The following ABTB3 variants were observed in gnomAD, a reference collection of about 807,000 sequenced individuals.
ABTB3 encodes the protein ankyrin repeat- and BTB/POZ domain-containing protein 3.
At chr12:107,645,879 A>T in the ABTB3 span, among the ~76,000 whole-genome samples, 1 of 152,134 alleles carries the variant, frequency 6.6e-6, no homozygotes, top group Non-Finnish European at 1.5e-5. Context: ...ATTTAACAGG[A>T]CCCGGGGACT....
the ABTB3 span, chr12:107,635,327 T>C: frequency 6.2e-7 from 1 of 1,613,962 alleles, no homozygotes; most frequent in South Asian, 1.1e-5. Flanking sequence ...CTTCACACAC[T>C]GCTACGGGCC....
chr12:107,492,542 C>T, the ABTB3 span, among the ~76,000 whole-genome samples: 1 of 152,104 alleles, frequency 6.6e-6, no homozygotes, highest in African/African-American at 2.4e-5. Flanking sequence ...GGCAAGGGCA[C>T]TTTTCCCACA....
the ABTB3 span, among the ~76,000 whole-genome samples, chr12:107,390,216 A>T: frequency 6.6e-6 from 1 of 152,216 alleles, no homozygotes; most frequent in Non-Finnish European, 1.5e-5. Context: ...TGACTTTTTT[A>T]AAAAGTACCT....
chr12:107,580,996 TG>T, the ABTB3 span: 115 of 1,551,228 alleles, frequency 7.4e-5, no homozygotes, highest in Non-Finnish European at 9.7e-5. Flanking sequence ...CCCACTACTC[TG>T]GAATTCAGAG....
the ABTB3 span, among the ~76,000 whole-genome samples, chr12:107,632,852 T>C: frequency 2.6e-5 from 4 of 152,324 alleles, no homozygotes; most frequent in African/African-American, 9.6e-5. Context: ...TGACTGTTGG[T>C]GTCACACTTA....
the ABTB3 span, among the ~76,000 whole-genome samples, chr12:107,637,855 C>T: frequency 1.3e-5 from 2 of 150,404 alleles, no homozygotes; most frequent in Admixed American, 1.3e-4. Context: ...CTGTTGCCCT[C>T]CCAATGAATT....
the ABTB3 span, among the ~76,000 whole-genome samples, chr12:107,517,216 C>T: frequency 2.0e-5 from 3 of 152,220 alleles, no homozygotes; most frequent in Admixed American, 6.5e-5. Flanking sequence ...TGTTCTGTTC[C>T]ATTGGTCTAT....
chr12:107,579,083 C>T, the ABTB3 span, among the ~76,000 whole-genome samples: 2 of 152,078 alleles, frequency 1.3e-5, no homozygotes, highest in African/African-American at 4.8e-5. Context: ...GCCCACAATG[C>T]GAGGGATTCA....
the ABTB3 span, among the ~76,000 whole-genome samples, chr12:107,356,417 G>A: frequency 3.3e-5 from 5 of 152,178 alleles, no homozygotes; most frequent in South Asian, 6.2e-4. Context: ...AGGCTGGCTG[G>A]GAGCTGGGGC....
At chr12:107,651,045 C>G in the ABTB3 span, 3 of 147,310 alleles carry the variant, frequency 2.0e-5, no homozygotes, top group Admixed American at 2.0e-4. Context: ...CCTTTGAACT[C>G]TTGCTCTTAG....
the ABTB3 span, among the ~76,000 whole-genome samples, chr12:107,338,451 G>A: frequency 1.6e-4 from 25 of 152,138 alleles, no homozygotes; most frequent in African/African-American, 6.0e-4. Flanking sequence ...CTTGCCCTAT[G>A]TTACCAAATA....
the ABTB3 span, chr12:107,619,993 G>A: frequency 2.2e-5 from 36 of 1,611,468 alleles, no homozygotes; most frequent in African/African-American, 2.7e-5. Context: ...CAGGCGTCCC[G>A]TGGACTCTGC....
the ABTB3 span, among the ~76,000 whole-genome samples, chr12:107,529,109 G>A: frequency 3.2e-4 from 49 of 150,966 alleles, no homozygotes; most frequent in South Asian, 4.7e-3. Flanking sequence ...TGATGGTGAC[G>A]GTGATGATTA....
the ABTB3 span, chr12:107,657,520 C>T: frequency 2.5e-6 from 4 of 1,614,106 alleles, no homozygotes; most frequent in East Asian, 4.5e-5. Flanking sequence ...TTCTTGGAGT[C>T]ACAGAGCTCT....
At chr12:107,466,293 G>A in the ABTB3 span, among the ~76,000 whole-genome samples, 22 of 152,162 alleles carry the variant, frequency 1.4e-4, 1 homozygote, top group South Asian at 4.6e-3. Flanking sequence ...GGTTAGAAGA[G>A]GGCAGAGGGA....
chr12:107,331,727 A>G, the ABTB3 span, among the ~76,000 whole-genome samples: 1 of 152,148 alleles, frequency 6.6e-6, no homozygotes, highest in Non-Finnish European at 1.5e-5. Context: ...TCTCATCCCC[A>G]TGTCAGTGCC....
chr12:107,527,618 TA>T, the ABTB3 span, among the ~76,000 whole-genome samples: 6 of 151,760 alleles, frequency 4.0e-5, no homozygotes, highest in Non-Finnish European at 7.4e-5. Flanking sequence ...CTCCAGTGCC[TA>T]AAACAATATT....
the ABTB3 span, among the ~76,000 whole-genome samples, chr12:107,534,621 A>G: frequency 6.6e-6 from 1 of 152,214 alleles, no homozygotes; most frequent in Admixed American, 6.5e-5. Context: ...TACAACTGAT[A>G]CGACAGAAAT....
At chr12:107,612,668 G>A in the ABTB3 span, 33 of 1,069,880 alleles carry the variant, frequency 3.1e-5, no homozygotes, top group East Asian at 1.3e-4. Flanking sequence ...TTGTCATGCC[G>A]GAGCACAAGC....
Sources: allele counts gnomAD v4.1 joint callset (sites outside exome capture counted in the v4.1 genomes callset), GRCh38; gene constraint gnomAD v4.1.1; transcripts MANE v1.5; gene names NCBI Gene and HGNC (gene_info 2026-07-23, HGNC 2026-07-21).